FCHSD2: variants seen among roughly 807,000 people sequenced by gnomAD.
FCHSD2 encodes FCH and double SH3 domains 2.
Under a neutral mutation model 108.1 loss-of-function variants are expected in FCHSD2, and 38 were observed. That is an observed-to-expected ratio of 0.35 (90% confidence interval 0.27 to 0.46). The LOEUF is 0.46. FCHSD2 is among the 20% of genes least tolerant of loss of function. FCHSD2 has a pLI of 1.00. For synonymous variants in FCHSD2, 279 were observed against 314.7 expected (o/e 0.89, Z 1.20); for missense variants, 751 against 897.8 (o/e 0.84, Z 2.09).
In FCHSD2 at chr11:72,902,536, C is replaced by A; in HGVS notation, c.924+7G>T. 6.5e-7 allele frequency: 1 copy of A among 1,543,524 alleles called. No individual in the cohort carries two copies. Among genetic ancestry groups the A allele is most frequent in the African/African-American group, 1.4e-5 (1 of 73,416 alleles). On this transcript the variant is annotated splice_region_variant and intron_variant, in intron 10 of 19. Coordinates refer to ENST00000409418, the MANE Select transcript of FCHSD2 (RefSeq NM_014824.3). ...ACACATGAAATGAAAATCTATAATTCCCTTACAGTATCACTGTCACAAGGC... is the reference window on the plus strand; with the variant it reads ...ACACATGAAATGAAAATCTATAATTACCTTACAGTATCACTGTCACAAGGC...
At chr11:73,047,178 G>GA (rs1055558949) in intron 3 of FCHSD2, among the ~76,000 whole-genome samples, 27 of 144,968 alleles carry the variant, frequency 1.9e-4, no homozygotes, top group East Asian at 6.0e-4. Context: ...CTGTAAATTT[G>GA]AAAAAAAAAG....
At chr11:72,850,064 T>G (rs1238364581) in intron 13 of FCHSD2, among the ~76,000 whole-genome samples, 175 bp from the exon 14 acceptor site, 9 of 147,504 alleles carry the variant, frequency 6.1e-5, no homozygotes, top group Non-Finnish European at 1.2e-4. Context: ...AGAGTTTTTT[T>G]TTTTTTTTTT....
chr11:73,123,665 T>C (rs1462502342), intron 2 of FCHSD2, among the ~76,000 whole-genome samples: 2 of 152,230 alleles, frequency 1.3e-5, no homozygotes, highest in Admixed American at 1.3e-4. Flanking sequence ...GAATAAACTA[T>C]ACGATCTTCT....
chr11:73,116,542 GT>G (rs376757976), intron 2 of FCHSD2, among the ~76,000 whole-genome samples: 9 of 150,446 alleles, frequency 6.0e-5, no homozygotes, highest in Non-Finnish European at 1.0e-4. Context: ...TTTCGTTTTT[GT>G]TTTTTTTTCT....
intron 5 of FCHSD2, among the ~76,000 whole-genome samples, chr11:72,997,401 AC>A (rs898194259): frequency 1.3e-5 from 2 of 152,172 alleles, no homozygotes; most frequent in Admixed American, 1.3e-4. Flanking sequence ...AGAAAGCTTA[AC>A]CCTCTTTGGA....
intron 8 of FCHSD2, among the ~76,000 whole-genome samples, chr11:72,966,132 A>C (rs1397648260): frequency 1.3e-5 from 2 of 152,086 alleles, no homozygotes; most frequent in Non-Finnish European, 2.9e-5. Flanking sequence ...GCAAGAAGGA[A>C]GATGTTCACT....
chr11:72,962,915 A>AGTG lies in FCHSD2; in HGVS notation c.705+21170_705+21172dup, dbSNP rs552314835. Among the ~76,000 whole-genome samples, 28 of 152,280 alleles carry AGTG rather than the reference A, an allele frequency of 1.8e-4. No homozygotes were observed. In the Middle Eastern group the frequency reaches 0.01, roughly 55 times the overall value. On this transcript the variant is annotated intron_variant, in intron 8 of 19. Transcript: ENST00000409418. ...CTCTGGATGAGTGACAGTATTACACAGTGGTTAAGAGAAGGCACACTGGAG... is the reference window on the plus strand; with the variant it reads ...CTCTGGATGAGTGACAGTATTACACAGTGGTGGTTAAGAGAAGGCACACTGGAG...
chr11:73,099,206 C>A (rs1029425013), intron 2 of FCHSD2, among the ~76,000 whole-genome samples: 3 of 152,112 alleles, frequency 2.0e-5, no homozygotes, highest in Admixed American at 1.3e-4. Flanking sequence ...TGGAGCAAGA[C>A]CCTGCTTCCA....
At chr11:73,096,674 A>C (rs750745724) in intron 2 of FCHSD2, among the ~76,000 whole-genome samples, 3 of 152,144 alleles carry the variant, frequency 2.0e-5, no homozygotes, top group Non-Finnish European at 4.4e-5. Context: ...TCCTGAACTT[A>C]TAGGGAAAGT....
chr11:73,063,236 G>T (rs538179410), intron 3 of FCHSD2, among the ~76,000 whole-genome samples: 1 of 152,318 alleles, frequency 6.6e-6, no homozygotes, highest in South Asian at 2.1e-4. Flanking sequence ...ACAAGCAAAT[G>T]CTGAGGGATT....
chr11:73,015,472 G>A (rs1000930755), intron 4 of FCHSD2, among the ~76,000 whole-genome samples: 33 of 151,892 alleles, frequency 2.2e-4, no homozygotes, highest in Admixed American at 5.9e-4. Context: ...TTTCATCACC[G>A]TCACAATAAT....
chr11:72,932,569 T>C (rs895730162), intron 8 of FCHSD2, among the ~76,000 whole-genome samples: 2 of 152,174 alleles, frequency 1.3e-5, no homozygotes, highest in African/African-American at 4.8e-5. Context: ...CACACAGGCT[T>C]TTCTTCTGCC....
intron 5 of FCHSD2, among the ~76,000 whole-genome samples, chr11:73,000,471 T>C (rs1857604438): frequency 6.6e-6 from 1 of 152,198 alleles, no homozygotes; most frequent in South Asian, 2.1e-4. Flanking sequence ...ATAAAATATG[T>C]CCATTTGAAA....
chr11:72,872,672 T>C (rs1381890430), intron 12 of FCHSD2, among the ~76,000 whole-genome samples: 1 of 152,222 alleles, frequency 6.6e-6, no homozygotes, highest in East Asian at 1.9e-4. Flanking sequence ...GGATATACAT[T>C]AGAATGTTTA....
At chr11:73,055,341 T>G (rs552371487) in intron 3 of FCHSD2, among the ~76,000 whole-genome samples, 33 of 75,974 alleles carry the variant, frequency 4.3e-4, no homozygotes, top group African/African-American at 1.1e-3. Flanking sequence ...AGACCCTGTC[T>G]CGAAAAAAAA....
intron 3 of FCHSD2, among the ~76,000 whole-genome samples, chr11:73,045,220 A>G (rs1235208022): frequency 6.6e-6 from 1 of 152,074 alleles, no homozygotes; most frequent in East Asian, 1.9e-4. Flanking sequence ...ACAATGAGAT[A>G]CCATCTCACA....
intron 14 of FCHSD2, among the ~76,000 whole-genome samples, chr11:72,845,153 GCTCACGTCTGTAAT>G (rs1861085714): frequency 6.6e-6 from 1 of 152,164 alleles, no homozygotes; most frequent in Admixed American, 6.5e-5. Context: ...GAGTGAGGTG[GCTCACGTCTGTAAT>G]CCCAGCACTT....
At chr11:73,083,931 C>G (rs1859756110) in intron 2 of FCHSD2, among the ~76,000 whole-genome samples, 191 bp from the exon 3 acceptor site, 1 of 152,172 alleles carries the variant, frequency 6.6e-6, no homozygotes, top group Non-Finnish European at 1.5e-5. Context: ...ATTCAAACCC[C>G]AGCTGTACCA....
intron 8 of FCHSD2, among the ~76,000 whole-genome samples, chr11:72,955,644 T>G (rs973324542): frequency 1.3e-5 from 2 of 152,148 alleles, no homozygotes; most frequent in African/African-American, 4.8e-5. Context: ...TAAGACAAGA[T>G]TCTCCTATGA....
Sources: gnomAD v4.1 joint callset for allele counts (sites outside exome capture counted in the v4.1 genomes callset) on GRCh38, gnomAD v4.1.1 for gene constraint, MANE v1.5 for transcripts, NCBI Gene and HGNC (gene_info 2026-07-23, HGNC 2026-07-21) for gene names.